The following SOCS6 variants were observed in gnomAD, a reference collection of about 807,000 sequenced individuals.
The protein encoded by SOCS6 is STAT induced STAT inhibitor-4.
In SOCS6, 5 loss-of-function variants were observed where a neutral mutation model predicts 27.7. That is an observed-to-expected ratio of 0.18 (90% CI 0.09 to 0.38). SOCS6 has a LOEUF of 0.38. Among genes scored for constraint, SOCS6 ranks in the 10% least tolerant of loss-of-function variants. The probability of loss-of-function intolerance (pLI) is 1.00; values close to 1 mark genes in which losing one functional copy is unlikely to be tolerated. For missense variants in SOCS6, 595 were observed against 688.1 expected, an observed-to-expected ratio of 0.86 and a Z score of 1.51; for synonymous variants, 271 against 260.0, an observed-to-expected ratio of 1.04 and a Z score of -0.41.
At position 70,310,213 on chromosome 18, in the gene SOCS6, T is replaced by A. The variant is rs74817924; in HGVS notation, c.-126-14330T>A. ...TTGACAGTTTAGTCCAGCTTCATAGTTACTTTTGGGGAAGGAGATTTATTG... is the reference window on the plus strand; with the variant it reads ...TTGACAGTTTAGTCCAGCTTCATAGATACTTTTGGGGAAGGAGATTTATTG... On this transcript the variant is annotated intron_variant, in intron 1 of 1. Transcript: ENST00000397942. Among the ~76,000 whole-genome samples the A allele has an allele frequency of 4.4e-3, 666 of 152,266 alleles. 5 individuals carry two copies. The highest frequency in any genetic ancestry group is 0.015 in the African/African-American group (643 of 41,544).
intron 1 of SOCS6, among the ~76,000 whole-genome samples, chr18:70,289,467 C>T (rs868164289): frequency 8.1e-5 from 12 of 147,420 alleles, no homozygotes; most frequent in Middle Eastern, 3.5e-3. Flanking sequence ...GCGCGCCGGC[C>T]TGGGCCGCCG....
At chr18:70,301,032 T>A (rs1405301963) in intron 1 of SOCS6, among the ~76,000 whole-genome samples, 1 of 152,236 alleles carries the variant, frequency 6.6e-6, no homozygotes, top group East Asian at 1.9e-4. Flanking sequence ...TGTAAATATT[T>A]ATTATGTTTG....
chr18:70,304,688 C>G (rs529471745), intron 1 of SOCS6, among the ~76,000 whole-genome samples: 1 of 152,226 alleles, frequency 6.6e-6, no homozygotes, highest in African/African-American at 2.4e-5. Flanking sequence ...CACAGATATT[C>G]TAGCCTGTGG....
chr18:70,308,426 T>C (rs1249369485), intron 1 of SOCS6, among the ~76,000 whole-genome samples: 3 of 151,800 alleles, frequency 2.0e-5, no homozygotes, highest in Admixed American at 6.6e-5. Flanking sequence ...CTCACTATGC[T>C]GTCCAGGCTG....
chr18:70,291,108 CAGAA>C (rs1461983706), intron 1 of SOCS6, among the ~76,000 whole-genome samples: 3 of 152,106 alleles, frequency 2.0e-5, no homozygotes, highest in Admixed American at 2.0e-4. Flanking sequence ...TTTTAGGAAA[CAGAA>C]AGCAAGTATC....
chr18:70,315,804 T>C (rs947960766), intron 1 of SOCS6, among the ~76,000 whole-genome samples: 2 of 152,208 alleles, frequency 1.3e-5, no homozygotes, highest in Non-Finnish European at 2.9e-5. Flanking sequence ...ATCTTTGAAT[T>C]TTTCTGTGGA....
chr18:70,299,361 G>T (rs1008083546), intron 1 of SOCS6, among the ~76,000 whole-genome samples: 6 of 152,078 alleles, frequency 3.9e-5, no homozygotes, highest in Non-Finnish European at 8.8e-5. Context: ...ATTATTAAGG[G>T]CACAACTCAG....
chr18:70,290,601 A>G (rs923304161), intron 1 of SOCS6, among the ~76,000 whole-genome samples: 1 of 152,182 alleles, frequency 6.6e-6, no homozygotes, highest in African/African-American at 2.4e-5. Flanking sequence ...CCTTTGGTTC[A>G]AACACCCTCC....
At chr18:70,310,187 A>G (rs915466965) in intron 1 of SOCS6, among the ~76,000 whole-genome samples, 2 of 152,146 alleles carry the variant, frequency 1.3e-5, no homozygotes, top group Admixed American at 1.3e-4. Flanking sequence ...AATGGTTGCT[A>G]TTGACAGTTT....
At chr18:70,303,249 C>G (rs1289847643) in intron 1 of SOCS6, among the ~76,000 whole-genome samples, 2 of 152,020 alleles carry the variant, frequency 1.3e-5, no homozygotes, top group Non-Finnish European at 2.9e-5. Context: ...ATTTATAACT[C>G]TGTATAAATA....
Position 70,325,465 on chromosome 18 carries a change from A to T in SOCS6, c.797A>T (p.Glu266Val). ...QVGGRAFPED[E>V]SQVDQDLVVA... is the part of the protein sequence containing the mutation. ...GGAGGGCGCGCTTTCCCCGAGGATG[A>T]GAGTCAGGTAGACCAGGACCTAGTT... is the stretch of plus-strand genomic sequence containing the variant. Residue 266 changes from glutamate to valine, a missense_variant, in exon 2 of 2, where the codon GAG becomes GTG. This residue lies in a region of SOCS6 where 467 missense variants were observed against 481.1 expected (regional missense o/e 0.97). Transcript: ENST00000397942. The surrounding 1 kb of genome is among the most constrained non-coding windows in gnomAD (Gnocchi z 6.3). 6.2e-7 allele frequency: 1 copy of T among 1,614,166 alleles called. No homozygotes were observed. The highest frequency in any genetic ancestry group is 8.5e-7 in the Non-Finnish European group (1 of 1,180,038).
intron 1 of SOCS6, among the ~76,000 whole-genome samples, chr18:70,305,888 T>C (rs1468854844): frequency 6.6e-6 from 1 of 151,844 alleles, no homozygotes; most frequent in African/African-American, 2.4e-5. Context: ...GTAGGGTGGG[T>C]GTGTGGGGGT....
rs1568607678 is a variant in SOCS6 at position 70,328,146 on chromosome 18, T to C, written c.*1870T>C. ...TATAAGCTATTTGGATTAAGAACTATTGCAGAGTTGTAAGCTTGTTATCAA... is the reference window on the plus strand; with the variant it reads ...TATAAGCTATTTGGATTAAGAACTACTGCAGAGTTGTAAGCTTGTTATCAA... On this transcript the variant is annotated 3_prime_UTR_variant, in exon 2 of 2. Coordinates refer to ENST00000397942, the MANE Select transcript of SOCS6 (RefSeq NM_004232.4). 1 of 166,652 alleles carries C rather than the reference T, an allele frequency of 6.0e-6. No homozygotes were observed. Among genetic ancestry groups the C allele is most frequent in the East Asian group, 1.9e-4 (1 of 5,192 alleles). The allele number at this position is 166,652 out of a possible 1,614,324, so 10.3% of individuals were successfully genotyped here.
intron 1 of SOCS6, among the ~76,000 whole-genome samples, chr18:70,292,807 G>C (rs924705602): frequency 1.3e-5 from 2 of 152,048 alleles, no homozygotes; most frequent in African/African-American, 4.8e-5. Flanking sequence ...TTCCTGCTCC[G>C]CCACCTTTGA....
Position 70,325,227 on chromosome 18 carries a change from C to G in SOCS6, c.559C>G (p.Gln187Glu). ...DLQSETTCQE[Q>E]ANSLKSSASH... Reference sequence around the variant, plus strand: ...CCAGTCTGAGACCACGTGCCAGGAGCAAGCCAATTCACTGAAGAGCTCGGC... The same window carrying G: ...CCAGTCTGAGACCACGTGCCAGGAGGAAGCCAATTCACTGAAGAGCTCGGC... Residue 187 changes from glutamine (Q) to glutamate (E), a missense_variant, in exon 2 of 2, where the codon CAA becomes GAA. Transcript: ENST00000397942. This position sits in a 1 kb window ranked among gnomAD's most constrained non-coding sequence, Gnocchi z 6.3. The G allele has an allele frequency of 6.2e-7, 1 of 1,614,124 alleles. No homozygotes were observed. The highest frequency in any genetic ancestry group is 8.5e-7 in the Non-Finnish European group (1 of 1,179,960).
intron 1 of SOCS6, among the ~76,000 whole-genome samples, chr18:70,293,542 C>T (rs2062309498): frequency 6.6e-6 from 1 of 152,156 alleles, no homozygotes; most frequent in African/African-American, 2.4e-5. Flanking sequence ...CCTCAGTTAT[C>T]TGAAATCTCC....
intron 1 of SOCS6, among the ~76,000 whole-genome samples, chr18:70,302,809 T>A (rs1306169764): frequency 1.3e-5 from 2 of 152,158 alleles, no homozygotes; most frequent in African/African-American, 4.8e-5. Flanking sequence ...AAAAGTTATT[T>A]TGAGCAGGTA....
At chr18:70,290,817 C>T (rs191492219) in intron 1 of SOCS6, among the ~76,000 whole-genome samples, 2 of 152,194 alleles carry the variant, frequency 1.3e-5, no homozygotes, top group South Asian at 4.1e-4. Flanking sequence ...TTACCTTTAT[C>T]GTTATCTTCT....
At chr18:70,294,878 C>T (rs1410140061) in intron 1 of SOCS6, among the ~76,000 whole-genome samples, 1 of 152,196 alleles carries the variant, frequency 6.6e-6, no homozygotes, top group African/African-American at 2.4e-5. Flanking sequence ...CTCCTAACAG[C>T]GAACACACTA....
Sources: gnomAD v4.1 joint callset for allele counts (sites outside exome capture counted in the v4.1 genomes callset) on GRCh38, gnomAD v4.1.1 for gene constraint, gnomAD v4.1.1 regional missense constraint, Gnocchi (gnomAD v3.1) non-coding constraint, MANE v1.5 for transcripts, NCBI Gene and HGNC (gene_info 2026-07-23, HGNC 2026-07-21) for gene names.